The following ADARB2 variants were observed in gnomAD, a reference collection of about 807,000 sequenced individuals.
The protein encoded by ADARB2 is inactive double-stranded RNA-specific editase B2.
A neutral mutation model predicts 62.2 loss-of-function variants in ADARB2; 25 were observed. The observed-to-expected ratio is 0.40, with a 90% CI of 0.29 to 0.56. ADARB2 has a LOEUF of 0.56. Ranked by LOEUF, ADARB2 falls within the 20% of genes least tolerant of loss-of-function variation. ADARB2 has a pLI of 0.43. For synonymous variants in ADARB2, 572 were observed against 500.8 expected, an observed-to-expected ratio of 1.14 and a Z score of -1.90; for missense variants, 1,071 against 1,077.4, an observed-to-expected ratio of 0.99 and a Z score of 0.08.
chr10:1,233,978 C>CTTTTTTTTTTTTTTTTTT lies in ADARB2; in HGVS notation c.1362-134_1362-133insAAAAAAAAAAAAAAAAAA, dbSNP rs1589160330. On this transcript the variant is annotated intron_variant, in intron 5 of 9. Transcript: ENST00000381312. ...CTTTATATTTTTCCTTTTTTTTTTC[C>CTTTTTTTTTTTTTTTTTT]TTTTTTTTTTGAGACGGAGTCTTGT... 4.6e-6 allele frequency: 2 copies of CTTTTTTTTTTTTTTTTTT among 433,412 alleles called. 1 individual carries two copies. The highest frequency in any genetic ancestry group is 6.4e-6 in the Non-Finnish European group (2 of 312,792). The allele number at this position is 433,412 out of a possible 1,614,324, so 26.8% of individuals were successfully genotyped here.
At chr10:1,328,534 A>T (rs537294885) in intron 3 of ADARB2, among the ~76,000 whole-genome samples, 1 of 152,250 alleles carries the variant, frequency 6.6e-6, no homozygotes, top group East Asian at 1.9e-4. Context: ...TGCAAACATT[A>T]TTACATACTT....
intron 6 of ADARB2, among the ~76,000 whole-genome samples, chr10:1,219,753 G>C (rs1830665691): frequency 6.6e-6 from 1 of 152,050 alleles, no homozygotes; most frequent in Non-Finnish European, 1.5e-5. Flanking sequence ...AGATAATGGT[G>C]ATGATGGTGG....
intron 4 of ADARB2, among the ~76,000 whole-genome samples, chr10:1,256,113 G>A (rs377480802): frequency 6.6e-6 from 1 of 152,182 alleles, no homozygotes; most frequent in African/African-American, 2.4e-5. Flanking sequence ...GCTCAGTAAC[G>A]AAGAGGGACT....
chr10:1,343,089 T>G (rs1832044943), intron 3 of ADARB2, among the ~76,000 whole-genome samples: 1 of 151,744 alleles, frequency 6.6e-6, no homozygotes, highest in South Asian at 2.1e-4. Context: ...TGAAGAGAAA[T>G]GAGATCTATA....
At position 1,523,943 on chromosome 10, in the gene ADARB2, GCATCCATC is replaced by G. The variant is rs565194166; in HGVS notation, c.101-144791_101-144784del. 2.3e-4 allele frequency among the ~76,000 whole-genome samples: 35 copies of G among 152,102 alleles called. 1 individual carries two copies. In the South Asian group the frequency reaches 6.2e-3, roughly 27 times the overall value. ...ATCTGTCTACTCAATATCCACCCAT[GCATCCATC>G]CATCCATCCATCCATCTACTCATTC... On this transcript the variant is annotated intron_variant, in intron 1 of 9. Coordinates refer to ENST00000381312, the MANE Select transcript of ADARB2 (RefSeq NM_018702.4).
chr10:1,376,182 G>C (rs1388585345), intron 2 of ADARB2, among the ~76,000 whole-genome samples: 2 of 152,232 alleles, frequency 1.3e-5, no homozygotes, highest in Non-Finnish European at 2.9e-5. Flanking sequence ...TCTAGGAAGG[G>C]AGGGCTGATT....
intron 6 of ADARB2, among the ~76,000 whole-genome samples, chr10:1,218,649 G>T (rs1302103489): frequency 6.6e-6 from 1 of 152,152 alleles, no homozygotes; most frequent in African/African-American, 2.4e-5. Flanking sequence ...GGTGGGAGAT[G>T]ACTGGATCAT....
At chr10:1,685,672 T>C (rs140695410) in intron 1 of ADARB2, among the ~76,000 whole-genome samples, 1 of 152,138 alleles carries the variant, frequency 6.6e-6, no homozygotes, top group African/African-American at 2.4e-5. Flanking sequence ...CAGCACAAAG[T>C]CAACAGAGAA....
chr10:1,525,054 A>C (rs1252911145), intron 1 of ADARB2, among the ~76,000 whole-genome samples: 3 of 152,216 alleles, frequency 2.0e-5, no homozygotes, highest in Non-Finnish European at 4.4e-5. Flanking sequence ...GTAATAAAAT[A>C]ATAATAATAA....
At chr10:1,639,720 T>C (rs1833956282) in intron 1 of ADARB2, among the ~76,000 whole-genome samples, 1 of 152,146 alleles carries the variant, frequency 6.6e-6, no homozygotes, top group Non-Finnish European at 1.5e-5. Context: ...CGGGCGCCTG[T>C]AGTCCCAGCT....
intron 6 of ADARB2, among the ~76,000 whole-genome samples, chr10:1,233,369 C>T (rs1423677200): frequency 6.6e-6 from 1 of 152,202 alleles, no homozygotes; most frequent in African/African-American, 2.4e-5. Context: ...TTGCTCCCAG[C>T]CTGCGTAACT....
Position 1,271,160 on chromosome 10 carries a change from T to C in ADARB2, c.1078-91A>G, listed in dbSNP as rs1831258439. 6 of 1,056,782 alleles carry C rather than the reference T, an allele frequency of 5.7e-6. No individual in the cohort carries two copies. The South Asian group carries it at 5.7e-5, about 10-fold the overall frequency. The allele number at this position is 1,056,782 out of a possible 1,614,324, so 65.5% of individuals were successfully genotyped here. A position where few individuals can be genotyped will look rare whatever the true frequency, so the allele number is the denominator to read the frequency against. On this transcript the variant is annotated intron_variant, in intron 3 of 9. Coordinates refer to ENST00000381312, the MANE Select transcript of ADARB2 (RefSeq NM_018702.4). ...TGTCCTCCCCGTCCTCACAGCCTCA[T>C]CCCCATGTGGCCACACATGGGCCTG...
intron 1 of ADARB2, among the ~76,000 whole-genome samples, chr10:1,443,735 C>A (rs1183160173): frequency 6.6e-6 from 1 of 151,676 alleles, no homozygotes; most frequent in Non-Finnish European, 1.5e-5. Flanking sequence ...GAGTAAAAAT[C>A]GATTAAATGA....
chr10:1,553,214 T>C (rs1287624093), intron 1 of ADARB2, among the ~76,000 whole-genome samples: 1 of 152,244 alleles, frequency 6.6e-6, no homozygotes, highest in Non-Finnish European at 1.5e-5. Context: ...GCTGGTACAA[T>C]ATATGCGGTG....
chr10:1,210,253 A>G (rs553009650), intron 7 of ADARB2, among the ~76,000 whole-genome samples: 1 of 152,256 alleles, frequency 6.6e-6, no homozygotes, highest in South Asian at 2.1e-4. Context: ...GATACATACA[A>G]TTCTATCCAT....
intron 1 of ADARB2, among the ~76,000 whole-genome samples, chr10:1,670,846 G>A (rs569920546): frequency 6.6e-6 from 1 of 152,302 alleles, no homozygotes; most frequent in African/African-American, 2.4e-5. Flanking sequence ...TGATTAGGAC[G>A]TCTGCGCAGG....
intron 1 of ADARB2, among the ~76,000 whole-genome samples, chr10:1,578,449 A>G (rs1225388002): frequency 1.3e-5 from 2 of 152,200 alleles, no homozygotes; most frequent in East Asian, 1.9e-4. Context: ...TATTTCTAGG[A>G]CAGACTTGAG....
chr10:1,321,435 C>G (rs7082083), intron 3 of ADARB2, among the ~76,000 whole-genome samples: 34,770 of 152,052 alleles, frequency 0.23, 4,829 homozygotes, highest in Middle Eastern at 0.37. Context: ...GGCTGGAGTG[C>G]AGTGACACGA....
chr10:1,292,400 C>T (rs1281560103), intron 3 of ADARB2: 1 of 152,220 alleles, frequency 6.6e-6, no homozygotes, highest in Non-Finnish European at 1.5e-5. Context: ...GCCTTTTTAT[C>T]CCCCTCACTT....
Sources: gnomAD v4.1 joint callset for allele counts (sites outside exome capture counted in the v4.1 genomes callset) on GRCh38, gnomAD v4.1.1 for gene constraint, MANE v1.5 for transcripts, NCBI Gene and HGNC (gene_info 2026-07-23, HGNC 2026-07-21) for gene names.